Variants in BAZ2B observed in about 807,000 individuals in gnomAD.
BAZ2B encodes the protein bromodomain adjacent to zinc finger domain 2B.
BAZ2B carries 91 observed loss-of-function variants against 246.0 expected under a neutral mutation model. That is an observed-to-expected ratio of 0.37 (90% CI 0.31 to 0.44). The LOEUF is 0.44. BAZ2B is among the 20% of genes least tolerant of loss of function. The pLI, the probability that BAZ2B is intolerant of heterozygous loss-of-function variation, is 1.00. For missense variants in BAZ2B, 2,332 were observed against 2,533.7 expected, an observed-to-expected ratio of 0.92 and a Z score of 1.71; for synonymous variants, 855 against 860.0, an observed-to-expected ratio of 0.99 and a Z score of 0.10.
chr2:159,347,380 C>G, intron 31 of BAZ2B, 106 bp downstream of exon 31: 1 of 1,294,734 alleles, frequency 7.7e-7, no homozygotes, highest in Non-Finnish European at 1.1e-6. Flanking sequence ...TTAAATGAGA[C>G]AAAATAAAAA....
intron 27 of BAZ2B, among the ~76,000 whole-genome samples, chr2:159,353,214 T>C (rs1302930476): frequency 1.3e-5 from 2 of 152,208 alleles, no homozygotes; most frequent in African/African-American, 4.8e-5. Context: ...TCAAATTAGT[T>C]TCTAGTTGAA....
At position 159,439,311 on chromosome 2, in the gene BAZ2B, A is replaced by T. The variant is rs1006390036; in HGVS notation, c.697-99T>A. 5.7e-6 allele frequency: 6 copies of T among 1,056,214 alleles called. No individual in the cohort carries two copies. In the African/African-American group the frequency reaches 9.6e-5, roughly 17 times the overall value. 65.4% of individuals were successfully genotyped at this position (1,056,214 alleles called of 1,614,324 possible). A position where few individuals can be genotyped will look rare whatever the true frequency, so the allele number is the denominator to read the frequency against. On this transcript the variant is annotated intron_variant, in intron 6 of 36. Transcript: ENST00000392783. Reference sequence around the variant, plus strand: ...TTTTAATTTTCAAATGATATTTTCAATCTCAAAATGTCATTGTAGGAAAAA... The same window carrying T: ...TTTTAATTTTCAAATGATATTTTCATTCTCAAAATGTCATTGTAGGAAAAA...
At chr2:159,525,907 C>G (rs1192612210) in intron 2 of BAZ2B, among the ~76,000 whole-genome samples, 1 of 152,084 alleles carries the variant, frequency 6.6e-6, no homozygotes, top group African/African-American at 2.4e-5. Context: ...GGTAAACTAC[C>G]TGCTTAGAAA....
intron 6 of BAZ2B, 82 bp downstream of exon 6, chr2:159,446,700 A>G (rs957882841): frequency 2.3e-6 from 3 of 1,324,852 alleles, no homozygotes; most frequent in African/African-American, 1.5e-5. Context: ...AAATTAAACC[A>G]TAGATTCTGT....
intron 1 of BAZ2B, chr2:159,615,266 C>A (rs1026346364): frequency 2.1e-5 from 3 of 145,130 alleles, no homozygotes; most frequent in Admixed American, 7.0e-5. Flanking sequence ...GGGGAGGGAG[C>A]CGCGAAAGAG....
At chr2:159,443,123 T>C (rs1018246748) in intron 6 of BAZ2B, among the ~76,000 whole-genome samples, 10 of 152,324 alleles carry the variant, frequency 6.6e-5, no homozygotes, top group African/African-American at 2.4e-4. Flanking sequence ...TTTTCCACAG[T>C]GGCAGTATCA....
chr2:159,418,985 G>T lies in BAZ2B; in HGVS notation c.2467-6440C>A, dbSNP rs146636593. Among the ~76,000 whole-genome samples the T allele has an allele frequency of 6.3e-3, 960 of 152,264 alleles. 5 individuals are homozygous for T. Among genetic ancestry groups the T allele is most frequent in the African/African-American group, 0.022 (896 of 41,566 alleles). On this transcript the variant is annotated intron_variant, in intron 13 of 36. Coordinates refer to ENST00000392783, the MANE Select transcript of BAZ2B (RefSeq NM_013450.4). The stretch of plus-strand genomic sequence containing the variant: ...AAGGCAATTGGTCTGACAATTTAAG[G>T]CCTATTAGTCATTTGGTAGATTGAT...
At chr2:159,694,027 T>C in the BAZ2B span, 3 of 152,152 alleles carry the variant, frequency 2.0e-5, no homozygotes, top group Non-Finnish European at 4.4e-5. Context: ...CGTGTGGAAG[T>C]CCTAACACCT....
rs751919333 is a variant in BAZ2B, at chr2:159,332,775, T to C, written c.5797-89A>G. On this transcript the variant is annotated intron_variant, in intron 33 of 36. Coordinates refer to ENST00000392783, the MANE Select transcript of BAZ2B (RefSeq NM_013450.4). The stretch of plus-strand genomic sequence containing the variant: ...TAAACACACCATAATTCCTAATTTA[T>C]ATTAGTAATGAACATTCCGCTTGCT... The C allele has an allele frequency of 6.5e-4, 913 of 1,406,880 alleles. 4 individuals carry two copies. The Middle Eastern group carries it at 0.016, about 24-fold the overall frequency. 87.1% of individuals were successfully genotyped at this position (1,406,880 alleles called of 1,614,324 possible). A position where few individuals can be genotyped will look rare whatever the true frequency, so the allele number is the denominator to read the frequency against.
intron 2 of BAZ2B, among the ~76,000 whole-genome samples, chr2:159,508,162 C>T (rs139861781): frequency 2.0e-5 from 3 of 152,304 alleles, no homozygotes; most frequent in South Asian, 4.1e-4. Flanking sequence ...TGAGCCACAA[C>T]GCCTGGCCTA....
the BAZ2B span, among the ~76,000 whole-genome samples, chr2:159,644,635 A>C: frequency 2.6e-5 from 4 of 152,352 alleles, no homozygotes; most frequent in Non-Finnish European, 5.9e-5. Context: ...GAATTCAAGA[A>C]GTCTGAAAGC....
At chr2:159,435,891 T>C (rs1233689527) in intron 8 of BAZ2B, among the ~76,000 whole-genome samples, 2 of 152,230 alleles carry the variant, frequency 1.3e-5, no homozygotes, top group Non-Finnish European at 2.9e-5. Context: ...GTTTAGAAAA[T>C]TGTTAAGATA....
intron 2 of BAZ2B, among the ~76,000 whole-genome samples, chr2:159,524,864 A>C (rs1293505702): frequency 6.6e-6 from 1 of 152,112 alleles, no homozygotes; most frequent in Non-Finnish European, 1.5e-5. Flanking sequence ...GTTAAATGCT[A>C]GTAATATAGA....
the BAZ2B span, among the ~76,000 whole-genome samples, chr2:159,636,651 C>G: frequency 1.1e-4 from 16 of 152,286 alleles, no homozygotes; most frequent in African/African-American, 3.6e-4. Flanking sequence ...AATCCTAATG[C>G]TAGGCTGGGC....
At chr2:159,647,154 G>C in the BAZ2B span, among the ~76,000 whole-genome samples, 1 of 152,120 alleles carries the variant, frequency 6.6e-6, no homozygotes, top group South Asian at 2.1e-4. Context: ...GGATTCTCCA[G>C]AGAAACAAAA....
chr2:159,612,607 T>C (rs1178338685), intron 1 of BAZ2B, among the ~76,000 whole-genome samples: 2 of 152,114 alleles, frequency 1.3e-5, no homozygotes, highest in Non-Finnish European at 1.5e-5. Flanking sequence ...AAGACAGAAA[T>C]CCTGAACTTT....
chr2:159,438,498 TTCC>T lies in BAZ2B; in HGVS notation c.1095_1097del (p.Glu366del). The T allele has an allele frequency of 6.2e-7, 1 of 1,614,186 alleles. No homozygotes were observed. Among genetic ancestry groups the T allele is most frequent in the Non-Finnish European group, 8.5e-7 (1 of 1,180,020 alleles). ...TTACACTGGTGTGTTTGTTCACAGATTCCTCCTTTGCCTGAGAGCTTTGGAAAA... is the reference window on the plus strand; with the variant it reads ...TTACACTGGTGTGTTTGTTCACAGATTCCTTTGCCTGAGAGCTTTGGAAAA... On this transcript the variant is annotated inframe_deletion, in exon 8 of 37. Coordinates refer to ENST00000392783, the MANE Select transcript of BAZ2B (RefSeq NM_013450.4).
intron 2 of BAZ2B, among the ~76,000 whole-genome samples, chr2:159,501,135 TA>T (rs1247716157): frequency 0.39 from 30,457 of 77,586 alleles, 5,758 homozygotes; most frequent in Non-Finnish European, 0.5. Context: ...TATATATATA[TA>T]TTTTATATAT....
chr2:159,320,819 A>G (rs174228), intron 36 of BAZ2B, among the ~76,000 whole-genome samples: 1 of 152,228 alleles, frequency 6.6e-6, no homozygotes, highest in African/African-American at 2.4e-5. Context: ...GCTCAGCTGC[A>G]GTAGAAATTA....
Sources: gnomAD v4.1 joint callset for allele counts (sites outside exome capture counted in the v4.1 genomes callset) on GRCh38, gnomAD v4.1.1 for gene constraint, MANE v1.5 for transcripts, NCBI Gene and HGNC (gene_info 2026-07-23, HGNC 2026-07-21) for gene names.